ENTPD6: variants seen among roughly 807,000 people sequenced by gnomAD.
ENTPD6 encodes ectonucleoside triphosphate diphosphohydrolase 6, also known as CD39 antigen-like 2.
A neutral mutation model predicts 61.5 loss-of-function variants in ENTPD6; 46 were observed. The observed-to-expected ratio is 0.75, with a 90% CI of 0.59 to 0.96. The LOEUF (loss-of-function observed/expected upper bound fraction) is 0.96. Among genes scored for constraint, ENTPD6 ranks in the 40% least tolerant of loss-of-function variants. ENTPD6 has a pLI of 0.00. For synonymous variants in ENTPD6, 252 were observed against 255.5 expected (o/e 0.99, Z 0.13); for missense variants, 612 against 629.0 (o/e 0.97, Z 0.29).
At chr20:25,199,583 C>T (rs2090860038) in intron 1 of ENTPD6, among the ~76,000 whole-genome samples, 1 of 152,178 alleles carries the variant, frequency 6.6e-6, no homozygotes, top group Non-Finnish European at 1.5e-5. Context: ...CCACCATCAC[C>T]ATCCGTCTCC....
At position 25,222,881 on chromosome 20, in the gene ENTPD6, C is replaced by T; in HGVS notation, c.1089C>T (p.Val363=). The T allele has an allele frequency of 6.2e-7, 1 of 1,614,144 alleles. No individual in the cohort carries two copies. Among genetic ancestry groups the T allele is most frequent in the Non-Finnish European group, 8.5e-7 (1 of 1,180,026 alleles). The part of the protein sequence containing the change: ...HELCAARVSE[V]LQNRVHRTEE... ...TGTGTGCTGCCAGAGTGTCAGAGGT[C>T]CTTCAAAACAGAGTGCACAGGACGG... Residue 363 remains valine (V), a synonymous_variant, in exon 12 of 15, where the codon GTC becomes GTT. Coordinates refer to ENST00000376652, the MANE Select transcript of ENTPD6 (RefSeq NM_001247.5).
chr20:25,203,327 G>C (rs2091192882), intron 1 of ENTPD6, among the ~76,000 whole-genome samples: 1 of 152,106 alleles, frequency 6.6e-6, no homozygotes, highest in Non-Finnish European at 1.5e-5. Context: ...GTCAAATTTG[G>C]GAGGTTTTTA....
intron 1 of ENTPD6, 62 bp downstream of exon 1, chr20:25,195,929 C>T (rs1600448256): frequency 9.5e-7 from 1 of 1,049,474 alleles, no homozygotes; most frequent in Non-Finnish European, 1.2e-6. Flanking sequence ...AGGCGGGCCT[C>T]CCCCACGCGG....
chr20:25,199,498 A>T (rs1423609428), intron 1 of ENTPD6, among the ~76,000 whole-genome samples: 3 of 152,176 alleles, frequency 2.0e-5, no homozygotes, highest in African/African-American at 7.2e-5. Context: ...GTTGCCATAA[A>T]ATACACATAA....
chr20:25,227,311 C>T lies in ENTPD6; in HGVS notation c.*1714C>T, dbSNP rs910409732. Among the ~76,000 whole-genome samples, 4 of 152,236 alleles carry T rather than the reference C, an allele frequency of 2.6e-5. No homozygotes were observed. Among genetic ancestry groups the T allele is most frequent in the Non-Finnish European group, 5.9e-5 (4 of 68,044 alleles). ...TGGGTCCCCACCAGCGCCTTTACTTCCATAATATCCACCAGCTTAAATATT... is the reference window on the plus strand; with the variant it reads ...TGGGTCCCCACCAGCGCCTTTACTTTCATAATATCCACCAGCTTAAATATT... On this transcript the variant is annotated 3_prime_UTR_variant, in exon 15 of 15. Transcript: ENST00000376652.
At chr20:25,207,600 G>A (rs564068140) in intron 3 of ENTPD6, among the ~76,000 whole-genome samples, 116 of 152,312 alleles carry the variant, frequency 7.6e-4, no homozygotes, top group Non-Finnish European at 1.5e-3. Flanking sequence ...TGACCATGCT[G>A]AAGGGCAGCT....
Position 25,222,941 on chromosome 20 carries a change from C to T in ENTPD6, c.1149C>T (p.Ser383=). Residue 383 remains serine (S), a synonymous_variant, in exon 12 of 15, where the codon TCC becomes TCT. Transcript: ENST00000376652. ...EVKHVDFYAF[S]YYYDLAAGVG... is the part of the protein sequence containing the mutation. ...AGCATGTGGACTTCTATGCTTTCTCCTACTATTACGACCTTGCAGCTGGTG... is the reference window on the plus strand; with the variant it reads ...AGCATGTGGACTTCTATGCTTTCTCTTACTATTACGACCTTGCAGCTGGTG... The T allele has an allele frequency of 6.2e-7, 1 of 1,612,436 alleles. No individual in the cohort carries two copies.
In ENTPD6 at chr20:25,226,671, GCTGAACCT is replaced by G. The variant is rs1410448362; in HGVS notation, c.*1076_*1083del. The stretch of plus-strand genomic sequence containing the variant: ...AGTGAATGTACAGTGCCCGGCACGA[GCTGAACCT>G]CATGTGTTCCACTCCCAATAAAAGG... On this transcript the variant is annotated 3_prime_UTR_variant, in exon 15 of 15. Transcript: ENST00000376652. 2 of 152,288 alleles carry G rather than the reference GCTGAACCT, an allele frequency of 1.3e-5. No individual in the cohort carries two copies. Among genetic ancestry groups the G allele is most frequent in the African/African-American group, 4.8e-5 (2 of 41,456 alleles). The allele number at this position is 152,288 out of a possible 1,614,324, so 9.4% of individuals were successfully genotyped here.
chr20:25,219,378 C>T (rs761962690), intron 10 of ENTPD6, among the ~76,000 whole-genome samples: 1 of 152,234 alleles, frequency 6.6e-6, no homozygotes, highest in Non-Finnish European at 1.5e-5. Flanking sequence ...TTTTCTCTCT[C>T]GCTCATGATT....
chr20:25,209,246 A>T (rs183528186), intron 3 of ENTPD6, among the ~76,000 whole-genome samples: 1,753 of 151,600 alleles, frequency 0.012, 35 homozygotes, highest in African/African-American at 0.039. Context: ...AGTAGCTGGG[A>T]CTACAGGCGC....
intron 1 of ENTPD6, among the ~76,000 whole-genome samples, chr20:25,197,685 A>T (rs6138535): frequency 0.19 from 29,174 of 152,072 alleles, 2,887 homozygotes; most frequent in East Asian, 0.31. Context: ...GGGAGAGGGG[A>T]TGGTGAACAT....
intron 3 of ENTPD6, among the ~76,000 whole-genome samples, chr20:25,207,824 G>C (rs900038153): frequency 2.6e-5 from 4 of 152,216 alleles, no homozygotes; most frequent in African/African-American, 9.6e-5. Flanking sequence ...TGCCAGGTGG[G>C]CCAAGATGGC....
At chr20:25,218,108 G>A (rs930701918) in intron 9 of ENTPD6, among the ~76,000 whole-genome samples, 13 of 152,022 alleles carry the variant, frequency 8.6e-5, no homozygotes, top group Non-Finnish European at 1.5e-5. Context: ...ATCCTTTAAT[G>A]TGTCTACAGT....
intron 11 of ENTPD6, chr20:25,222,481 G>A (rs981906380): frequency 1.4e-4 from 31 of 226,528 alleles, no homozygotes; most frequent in Non-Finnish European, 2.1e-4. Flanking sequence ...CAGGCCCCCT[G>A]AGGAGGTGGG....
intron 11 of ENTPD6, 112 bp downstream of exon 11, chr20:25,221,445 C>G (rs1219793606): frequency 6.2e-6 from 5 of 809,656 alleles, no homozygotes; most frequent in Non-Finnish European, 1.1e-5. Context: ...CCTGACCTCT[C>G]TTTGAAGAGC....
At chr20:25,221,155 C>T (rs2092617297) in intron 10 of ENTPD6, 77 bp from the exon 11 acceptor site, 1 of 1,185,504 alleles carries the variant, frequency 8.4e-7, no homozygotes. Context: ...GCCAGGGCCT[C>T]CGCGACTCCT....
intron 8 of ENTPD6, among the ~76,000 whole-genome samples, chr20:25,217,244 A>C (rs903199944): frequency 6.6e-6 from 1 of 152,100 alleles, no homozygotes; most frequent in Non-Finnish European, 1.5e-5. Context: ...GTGGGCTCAT[A>C]GGTACTGATA....
intron 5 of ENTPD6, among the ~76,000 whole-genome samples, chr20:25,214,472 C>T (rs955963016): frequency 6.6e-6 from 1 of 152,212 alleles, no homozygotes; most frequent in Non-Finnish European, 1.5e-5. Context: ...GCCCCAGCTT[C>T]CCCCAGTCTA....
intron 1 of ENTPD6, among the ~76,000 whole-genome samples, chr20:25,205,782 G>A (rs1202102484): frequency 6.6e-6 from 1 of 152,214 alleles, no homozygotes; most frequent in Non-Finnish European, 1.5e-5. Flanking sequence ...GGCAGTGCTT[G>A]TCTTACCTCT....
Sources: gnomAD v4.1 joint callset for allele counts (sites outside exome capture counted in the v4.1 genomes callset) on GRCh38, gnomAD v4.1.1 for gene constraint, MANE v1.5 for transcripts, NCBI Gene and HGNC (gene_info 2026-07-23, HGNC 2026-07-21) for gene names.